Variants in FAM171B observed in about 807,000 individuals in gnomAD.
FAM171B encodes the protein protein FAM171B.
A neutral mutation model predicts 75.6 loss-of-function variants in FAM171B; 19 were observed. That is an observed-to-expected ratio of 0.25 (90% CI 0.18 to 0.37). FAM171B has a LOEUF of 0.37. Among genes scored for constraint, FAM171B ranks in the 10% least tolerant of loss-of-function variants. The probability of loss-of-function intolerance (pLI) is 1.00; values close to 1 mark genes in which losing one functional copy is unlikely to be tolerated. For synonymous variants in FAM171B, 367 were observed against 361.7 expected (o/e 1.01, Z -0.17); for missense variants, 848 against 982.4 (o/e 0.86, Z 1.83).
intron 5 of FAM171B, 121 bp downstream of exon 5, chr2:186,751,425 T>C (rs1690453497): frequency 1.2e-6 from 1 of 856,724 alleles, no homozygotes; most frequent in East Asian, 2.8e-5. Context: ...AATGTATTTG[T>C]TAGTGACCAA....
chr2:186,705,579 ATGGTTAATTAAGCCTTT>A (rs1689722843), intron 1 of FAM171B, among the ~76,000 whole-genome samples: 1 of 152,200 alleles, frequency 6.6e-6, no homozygotes, highest in African/African-American at 2.4e-5. Context: ...AAAACCTACC[ATGGTTAATTAAGCCTTT>A]GTAAGTGGAC....
At chr2:186,698,927 G>A (rs370461626) in intron 1 of FAM171B, among the ~76,000 whole-genome samples, 4 of 152,198 alleles carry the variant, frequency 2.6e-5, no homozygotes, top group South Asian at 4.1e-4. Flanking sequence ...ATGTCCTCCT[G>A]TTCCATTCAT....
At chr2:186,747,362 A>C (rs1394910240) in intron 4 of FAM171B, 112 bp downstream of exon 4, 3 of 560,394 alleles carry the variant, frequency 5.4e-6, no homozygotes, top group Non-Finnish European at 8.0e-6. Context: ...TGGATAATAC[A>C]CATCATTTGA....
rs1690680987 is a variant in FAM171B at position 186,765,185 on chromosome 2, TAACCC to T, written c.*2365_*2369del. The T allele has an allele frequency of 6.6e-6, 1 of 152,058 alleles. No individual in the cohort carries two copies. The highest frequency in any genetic ancestry group is 6.6e-5 in the Admixed American group (1 of 15,238). 9.4% of individuals were successfully genotyped at this position (152,058 alleles called of 1,614,324 possible). A position where few individuals can be genotyped will look rare whatever the true frequency, so the allele number is the denominator to read the frequency against. On this transcript the variant is annotated 3_prime_UTR_variant, in exon 8 of 8. Transcript: ENST00000304698. ...AAAGCTGAAACCATCTACTTTTTCT[TAACCC>T]AAGTGATAATAAACAATATTCACAA...
chr2:186,694,197 C>G lies in FAM171B; in HGVS notation c.24C>G (p.Val8=). 2.5e-6 allele frequency: 4 copies of G among 1,605,294 alleles called. No individual in the cohort carries two copies. In the South Asian group the frequency reaches 4.4e-5, roughly 18 times the overall value. Residue 8 remains valine, a synonymous_variant, in exon 1 of 8, where the codon GTC becomes GTG. Transcript: ENST00000304698. ...CCATGGCGAGGCTCTGCCGGCGTGT[C>G]CCCTGCACCCTGCTTCTCGGCCTGG... The part of the protein sequence containing the change: MARLCRR[V]PCTLLLGLAV...
chr2:186,726,321 T>G (rs977495196), intron 1 of FAM171B, among the ~76,000 whole-genome samples: 1 of 152,170 alleles, frequency 6.6e-6, no homozygotes, highest in Non-Finnish European at 1.5e-5. Context: ...AGAGTTTGGA[T>G]CCAATCTGGG....
At chr2:186,717,879 G>A (rs552261326) in intron 1 of FAM171B, among the ~76,000 whole-genome samples, 1 of 152,204 alleles carries the variant, frequency 6.6e-6, no homozygotes, top group Admixed American at 6.5e-5. Context: ...GCAACCTCCT[G>A]CTAGACTTTC....
intron 1 of FAM171B, among the ~76,000 whole-genome samples, chr2:186,717,583 C>T (rs991419117): frequency 2.6e-5 from 4 of 152,150 alleles, no homozygotes; most frequent in African/African-American, 9.7e-5. Context: ...GTCTCCTTCT[C>T]TCTTGTATTC....
intron 6 of FAM171B, among the ~76,000 whole-genome samples, chr2:186,755,863 T>A (rs1479729846): frequency 6.6e-6 from 1 of 152,194 alleles, no homozygotes; most frequent in Non-Finnish European, 1.5e-5. Flanking sequence ...CAGGATTATT[T>A]ATTCAGAAAT....
intron 1 of FAM171B, among the ~76,000 whole-genome samples, chr2:186,701,280 T>C (rs1240116172): frequency 6.6e-6 from 1 of 152,208 alleles, no homozygotes; most frequent in African/African-American, 2.4e-5. Flanking sequence ...AATAGGCTTA[T>C]ACATAGTGAA....
chr2:186,697,594 A>G (rs551243736), intron 1 of FAM171B, among the ~76,000 whole-genome samples: 1 of 152,206 alleles, frequency 6.6e-6, no homozygotes, highest in East Asian at 1.9e-4. Context: ...GGATTTTAAC[A>G]TATATACCTT....
intron 2 of FAM171B, among the ~76,000 whole-genome samples, chr2:186,740,859 G>A (rs959931722): frequency 5.3e-5 from 8 of 152,130 alleles, no homozygotes; most frequent in Non-Finnish European, 1.2e-4. Flanking sequence ...GCAAGCAAGG[G>A]TCTTGTGTCC....
chr2:186,734,793 A>G (rs1690173393), intron 1 of FAM171B, among the ~76,000 whole-genome samples: 1 of 152,200 alleles, frequency 6.6e-6, no homozygotes, highest in Admixed American at 6.5e-5. Flanking sequence ...ACCTGTGGCC[A>G]TGAGTGCCCA....
chr2:186,735,825 C>T (rs1690191018), intron 1 of FAM171B, among the ~76,000 whole-genome samples: 2 of 152,182 alleles, frequency 1.3e-5, no homozygotes, highest in African/African-American at 4.8e-5. Context: ...TATTAATGGG[C>T]TGAATTTATG....
At chr2:186,720,448 T>C (rs1210398229) in intron 1 of FAM171B, among the ~76,000 whole-genome samples, 1 of 152,188 alleles carries the variant, frequency 6.6e-6, no homozygotes, top group African/African-American at 2.4e-5. Flanking sequence ...CTCTCCAGAA[T>C]GGCTCCTACT....
chr2:186,751,056 T>A (rs1471088365), intron 4 of FAM171B, 78 bp from the exon 5 acceptor site: 7 of 1,104,850 alleles, frequency 6.3e-6, no homozygotes, highest in Non-Finnish European at 8.9e-6. Flanking sequence ...AGAGGAACTA[T>A]TTATTTTAGA....
Position 186,694,077 on chromosome 2 carries a change from GA to G in FAM171B, c.-96del. 1 of 1,367,954 alleles carries G rather than the reference GA, an allele frequency of 7.3e-7. No homozygotes were observed. The highest frequency in any genetic ancestry group is 9.4e-7 in the Non-Finnish European group (1 of 1,063,688). 84.7% of individuals were successfully genotyped at this position (1,367,954 alleles called of 1,614,324 possible). A position where few individuals can be genotyped will look rare whatever the true frequency, so the allele number is the denominator to read the frequency against. ...AGTGCTTGGCAGATTGCGCGAGGGG[GA>G]GCGAGCGAGCGGGCGCTGCCAGGAG... is the stretch of plus-strand genomic sequence containing the variant. On this transcript the variant is annotated 5_prime_UTR_variant, in exon 1 of 8. Transcript: ENST00000304698.
At chr2:186,715,377 A>T (rs1689861296) in intron 1 of FAM171B, among the ~76,000 whole-genome samples, 1 of 151,968 alleles carries the variant, frequency 6.6e-6, no homozygotes, top group Admixed American at 6.6e-5. Flanking sequence ...TAATTTTTAA[A>T]TTTTTTGTAG....
chr2:186,725,545 G>A (rs1008461131), intron 1 of FAM171B, among the ~76,000 whole-genome samples: 3 of 152,054 alleles, frequency 2.0e-5, no homozygotes, highest in Non-Finnish European at 4.4e-5. Context: ...CCCAGGTTCA[G>A]GGAGCTGTGC....
Sources: allele counts gnomAD v4.1 joint callset (sites outside exome capture counted in the v4.1 genomes callset), GRCh38; gene constraint gnomAD v4.1.1; transcripts MANE v1.5; gene names NCBI Gene and HGNC (gene_info 2026-07-23, HGNC 2026-07-21).